Variants in ADAMTSL1 observed in about 807,000 individuals in gnomAD.
ADAMTSL1 encodes ADAMTS like 1.
In ADAMTSL1, 126 loss-of-function variants were observed where a neutral mutation model predicts 201.8. The observed-to-expected ratio is 0.62, with a 90% CI of 0.54 to 0.72. The LOEUF (loss-of-function observed/expected upper bound fraction) is 0.72. ADAMTSL1 is among the 30% of genes least tolerant of loss of function. The probability of loss-of-function intolerance (pLI) is 0.00; values close to 1 mark genes in which losing one functional copy is unlikely to be tolerated. For missense variants in ADAMTSL1, 2,679 were observed against 2,277.8 expected (o/e 1.18, Z -3.59); for synonymous variants, 1,121 against 903.4 (o/e 1.24, Z -4.32).
intron 1 of ADAMTSL1, among the ~76,000 whole-genome samples, chr9:18,085,270 TTGCCACTTACCAGCTGTGCGATC>T (rs1823695973): frequency 1.3e-5 from 2 of 152,138 alleles, no homozygotes; most frequent in Non-Finnish European, 2.9e-5. Context: ...GATCCCAGCT[TTGCCACTTACCAGCTGTGCGATC>T]TTGGGCACAA....
At chr9:18,197,120 C>G (rs181604414) in intron 2 of ADAMTSL1, among the ~76,000 whole-genome samples, 110 of 152,228 alleles carry the variant, frequency 7.2e-4, no homozygotes, top group Non-Finnish European at 1.4e-3. Context: ...CTGTCTTATT[C>G]AGAGTAATGA....
At chr9:18,220,801 GTCTC>G (rs1006690666) in intron 2 of ADAMTSL1, among the ~76,000 whole-genome samples, 1 of 150,330 alleles carries the variant, frequency 6.7e-6, no homozygotes, top group African/African-American at 2.5e-5. Flanking sequence ...TTTAAACAGA[GTCTC>G]TCTCTGTCAC....
chr9:18,340,269 T>C (rs1835416359), intron 2 of ADAMTSL1, among the ~76,000 whole-genome samples: 1 of 152,198 alleles, frequency 6.6e-6, no homozygotes, highest in African/African-American at 2.4e-5. Context: ...TTATGCTGCT[T>C]ACTCTTCTCA....
chr9:18,266,062 T>A (rs1318279104), intron 2 of ADAMTSL1, among the ~76,000 whole-genome samples: 1 of 152,174 alleles, frequency 6.6e-6, no homozygotes, highest in African/African-American at 2.4e-5. Context: ...AAAATTTAAA[T>A]TTATAAAGAC....
At chr9:17,999,244 T>G (rs1166798516) in intron 1 of ADAMTSL1, among the ~76,000 whole-genome samples, 1 of 152,028 alleles carries the variant, frequency 6.6e-6, no homozygotes, top group East Asian at 1.9e-4. Context: ...TGCAACTGTC[T>G]AAAATACGGA....
At chr9:18,039,959 T>C (rs1821365429) in intron 1 of ADAMTSL1, among the ~76,000 whole-genome samples, 1 of 152,190 alleles carries the variant, frequency 6.6e-6, no homozygotes, top group African/African-American at 2.4e-5. Context: ...CTACTATATA[T>C]TGCTATGACA....
chr9:18,170,341 T>A (rs1444536462), intron 2 of ADAMTSL1, among the ~76,000 whole-genome samples: 1 of 152,026 alleles, frequency 6.6e-6, no homozygotes, highest in African/African-American at 2.4e-5. Context: ...AAGGGATGTA[T>A]ATGTATTTCT....
intron 7 of ADAMTSL1, among the ~76,000 whole-genome samples, chr9:18,646,172 A>G (rs1007738461): frequency 7.9e-5 from 12 of 151,720 alleles, no homozygotes; most frequent in African/African-American, 2.7e-4. Context: ...GAGTTCACTC[A>G]TGATTTGGCT....
chr9:18,474,135 G>T, upstream of ADAMTSL1: 2 of 1,080,164 alleles, frequency 1.9e-6, no homozygotes, highest in East Asian at 4.8e-5. Context: ...TGATAGGCAG[G>T]ACTGGAGTGT....
intron 1 of ADAMTSL1, among the ~76,000 whole-genome samples, chr9:18,050,505 G>C (rs189212830): frequency 6.6e-5 from 10 of 152,140 alleles, no homozygotes; most frequent in Non-Finnish European, 1.5e-5. Flanking sequence ...AATTGGTCCA[G>C]CTGCTTCCAT....
chr9:18,875,076 A>G (rs758059723), intron 23 of ADAMTSL1, among the ~76,000 whole-genome samples: 5 of 152,052 alleles, frequency 3.3e-5, no homozygotes, highest in Non-Finnish European at 5.9e-5. Context: ...GTAGCCTTGA[A>G]TGATCTTTTG....
intron 23 of ADAMTSL1, among the ~76,000 whole-genome samples, chr9:18,846,629 C>T (rs1372442386): frequency 1.3e-5 from 2 of 152,078 alleles, no homozygotes; most frequent in Non-Finnish European, 2.9e-5. Context: ...TTTTTAAAAG[C>T]TTATTCTGAC....
At chr9:18,825,244 C>G (rs1405372019) in intron 21 of ADAMTSL1, among the ~76,000 whole-genome samples, 6 of 152,154 alleles carry the variant, frequency 3.9e-5, no homozygotes, top group Non-Finnish European at 7.3e-5. Flanking sequence ...AGCATGTCAA[C>G]CACAAGGAAA....
At chr9:18,331,428 C>G (rs1344788788) in intron 2 of ADAMTSL1, among the ~76,000 whole-genome samples, 1 of 152,180 alleles carries the variant, frequency 6.6e-6, no homozygotes, top group Non-Finnish European at 1.5e-5. Flanking sequence ...GTGCCTCCCT[C>G]CTGGATATAC....
intron 2 of ADAMTSL1, among the ~76,000 whole-genome samples, chr9:18,355,960 G>C (rs188228916): frequency 6.6e-6 from 1 of 152,256 alleles, no homozygotes; most frequent in Non-Finnish European, 1.5e-5. Context: ...TTGCTTGGCT[G>C]TGCTACCTGC....
chr9:18,759,656 C>T (rs1819957004), intron 16 of ADAMTSL1, among the ~76,000 whole-genome samples: 1 of 152,104 alleles, frequency 6.6e-6, no homozygotes, highest in African/African-American at 2.4e-5. Context: ...ATTGAAAGTC[C>T]AGCTTCACAT....
At chr9:17,966,241 A>C (rs1004787974) in intron 1 of ADAMTSL1, among the ~76,000 whole-genome samples, 2 of 152,196 alleles carry the variant, frequency 1.3e-5, no homozygotes, top group Non-Finnish European at 2.9e-5. Flanking sequence ...AGAAGAAATA[A>C]GTAAGTATAG....
chr9:18,332,539 C>A (rs1233770664), intron 2 of ADAMTSL1, among the ~76,000 whole-genome samples: 2 of 152,116 alleles, frequency 1.3e-5, no homozygotes, highest in Non-Finnish European at 2.9e-5. Context: ...CAGCCTTGAC[C>A]TCTCAGGCTC....
At chr9:18,583,333 C>T (rs1255004575) in intron 4 of ADAMTSL1, among the ~76,000 whole-genome samples, 2 of 152,208 alleles carry the variant, frequency 1.3e-5, no homozygotes, top group Non-Finnish European at 2.9e-5. Flanking sequence ...AGCCCCATAC[C>T]TTAGCAGCTT....
Sources: allele counts gnomAD v4.1 joint callset (sites outside exome capture counted in the v4.1 genomes callset), GRCh38; gene constraint gnomAD v4.1.1; transcripts MANE v1.5; gene names NCBI Gene and HGNC (gene_info 2026-07-23, HGNC 2026-07-21).